The following LIMK1 variants were observed in gnomAD, a reference collection of about 807,000 sequenced individuals.
LIMK1 encodes LIM domain kinase 1.
A neutral mutation model predicts 77.6 loss-of-function variants in LIMK1; 21 were observed. That is an observed-to-expected ratio of 0.27 (90% CI 0.19 to 0.39). The LOEUF (loss-of-function observed/expected upper bound fraction) is 0.39. Ranked by LOEUF, LIMK1 falls within the 10% of genes least tolerant of loss-of-function variation. The pLI, the probability that LIMK1 is intolerant of heterozygous loss-of-function variation, is 1.00. For synonymous variants in LIMK1, 358 were observed against 370.0 expected, an observed-to-expected ratio of 0.97 and a Z score of 0.37; for missense variants, 696 against 901.6, an observed-to-expected ratio of 0.77 and a Z score of 2.92.
intron 4 of LIMK1, 75 bp from the exon 5 acceptor site, chr7:74,098,957 G>T (rs1020704863): frequency 8.1e-7 from 1 of 1,227,692 alleles, no homozygotes; most frequent in Non-Finnish European, 1.2e-6. Context: ...AGAGCCTGGG[G>T]CTGGGGGCTG....
At chr7:74,084,635 G>C (rs1307073639) in intron 1 of LIMK1, among the ~76,000 whole-genome samples, 3 of 152,180 alleles carry the variant, frequency 2.0e-5, no homozygotes, top group Non-Finnish European at 2.9e-5. Context: ...CACTCTCCCT[G>C]TCCGTGCCCC....
At chr7:74,093,060 C>T in intron 2 of LIMK1, 4 of 1,292,936 alleles carry the variant, frequency 3.1e-6, no homozygotes, top group Non-Finnish European at 4.1e-6. Context: ...TCAGCCACTT[C>T]CTGTTGCAGG....
chr7:74,107,724 TTG>T (rs1392311023), intron 8 of LIMK1, 145 bp from the exon 9 acceptor site: 2 of 613,434 alleles, frequency 3.3e-6, no homozygotes, highest in Non-Finnish European at 2.9e-6. Flanking sequence ...TCCCATCCAC[TTG>T]GGTATTTGGG....
Position 74,096,631 on chromosome 7 carries a change from C to G in LIMK1, c.162C>G (p.Asp54Glu), listed in dbSNP as rs371668271. Residue 54 changes from aspartate to glutamate, a missense_variant, in exon 3 of 16, where the codon GAC becomes GAG. Asp to Glu is a conservative substitution (Grantham distance 45). Transcript: ENST00000336180. ...DWHADCFRCC[D>E]CSASLSHQYY... ...GGCCCCTCTCCTGCAGGTGTTGTGA[C>G]TGCAGTGCCTCCCTGTCGCACCAGT... 7 of 1,613,940 alleles carry G rather than the reference C, an allele frequency of 4.3e-6. No homozygotes were observed. The highest frequency in any genetic ancestry group is 5.9e-6 in the Non-Finnish European group (7 of 1,180,040).
intron 13 of LIMK1, among the ~76,000 whole-genome samples, chr7:74,117,254 G>A (rs1306666866): frequency 6.6e-6 from 1 of 152,044 alleles, no homozygotes; most frequent in Non-Finnish European, 1.5e-5. Flanking sequence ...CTGGCTTCAG[G>A]CGATCCTCCT....
intron 14 of LIMK1, 109 bp downstream of exon 14, chr7:74,120,747 AG>A (rs1584136459): frequency 6.5e-7 from 1 of 1,531,770 alleles, no homozygotes; most frequent in African/African-American, 1.4e-5. Context: ...GCCTGCCCAC[AG>A]CAAGGCATGG....
Position 74,120,623 on chromosome 7 carries a change from G to T in LIMK1, c.1608G>T (p.Gly536=). ...YDEKVDVFSF[G]IVLCEIIGRV... ...AGAAGGTGGATGTGTTCTCCTTTGG[G>T]ATCGTCCTGTGCGAGGTAGGTCCAG... The change falls in exon 14 of 16, where the codon GGG becomes GGT. Residue 536 remains glycine (G), a synonymous_variant. Coordinates refer to ENST00000336180, the MANE Select transcript of LIMK1 (RefSeq NM_002314.4). The T allele has an allele frequency of 6.2e-7, 1 of 1,614,230 alleles. No individual in the cohort carries two copies. The highest frequency in any genetic ancestry group is 2.2e-5 in the East Asian group (1 of 44,888).
At chr7:74,118,043 A>C (rs1554699881) in intron 13 of LIMK1, among the ~76,000 whole-genome samples, 1 of 150,114 alleles carries the variant, frequency 6.7e-6, no homozygotes, top group Admixed American at 6.6e-5. Context: ...CATTGGGCCA[A>C]GATTGCACCA....
chr7:74,097,174 A>G lies in LIMK1; in HGVS notation c.386A>G (p.His129Arg), dbSNP rs1799353329. The change falls in exon 4 of 16, where the codon CAC (histidine) becomes CGC (arginine). Residue 129 changes from histidine (H) to arginine (R), a missense_variant. Physicochemically the swap from His to Arg is conservative, Grantham distance 29 (BLOSUM62 0). This residue lies in a region of LIMK1 where 252 missense variants were observed against 279.4 expected (regional missense o/e 0.90). Transcript: ENST00000336180. ...GGGGACACCTACACGCTGGTGGAGCACTCCAAGCTGTACTGGTGAGTGCCT... is the reference window on the plus strand; with the variant it reads ...GGGGACACCTACACGCTGGTGGAGCGCTCCAAGCTGTACTGGTGAGTGCCT... Reference protein sequence around the residue: ...GDGDTYTLVEHSKLYCGHCYY... With the variant: ...GDGDTYTLVERSKLYCGHCYY... 3.7e-6 allele frequency: 6 copies of G among 1,610,162 alleles called. No individual in the cohort carries two copies. The highest frequency in any genetic ancestry group is 1.9e-4 in the Middle Eastern group (1 of 5,178).
At chr7:74,087,403 C>T (rs540780947) in intron 2 of LIMK1, among the ~76,000 whole-genome samples, 80 of 152,022 alleles carry the variant, frequency 5.3e-4, no homozygotes, top group Non-Finnish European at 8.5e-4. Context: ...GACCCAGTCT[C>T]AATTTTTAAA....
At chr7:74,098,961 G>A in intron 4 of LIMK1, 71 bp from the exon 5 acceptor site, 1 of 1,273,858 alleles carries the variant, frequency 7.9e-7, no homozygotes, top group South Asian at 1.3e-5. Context: ...CCTGGGGCTG[G>A]GGGCTGCAGA....
At chr7:74,106,653 A>G (rs1203098887) in intron 7 of LIMK1, among the ~76,000 whole-genome samples, 4 of 152,108 alleles carry the variant, frequency 2.6e-5, no homozygotes, top group Non-Finnish European at 5.9e-5. Flanking sequence ...CCAGCTACTC[A>G]GGAGGCTGAG....
chr7:74,101,650 T>G (rs1355300818), intron 5 of LIMK1, among the ~76,000 whole-genome samples: 1 of 152,102 alleles, frequency 6.6e-6, no homozygotes, highest in Non-Finnish European at 1.5e-5. Context: ...TGCCAAAGAT[T>G]TACTTATTTG....
At chr7:74,103,887 T>C (rs946098515) in intron 5 of LIMK1, among the ~76,000 whole-genome samples, 2 of 152,098 alleles carry the variant, frequency 1.3e-5, no homozygotes, top group South Asian at 2.1e-4. Flanking sequence ...CTCGACCTCA[T>C]GGGCTCAAGC....
chr7:74,116,075 C>T (rs1799802105), intron 13 of LIMK1, 117 bp downstream of exon 13: 4 of 1,050,916 alleles, frequency 3.8e-6, no homozygotes, highest in African/African-American at 1.6e-5. Flanking sequence ...TTCAGTTACC[C>T]TGTGGGTCCT....
At chr7:74,096,852 G>C in intron 3 of LIMK1, 92 bp downstream of exon 3, 1 of 1,464,126 alleles carries the variant, frequency 6.8e-7, no homozygotes, top group Non-Finnish European at 9.2e-7. Flanking sequence ...TGTCTCTCCT[G>C]GTCTCCTTTT....
At chr7:74,104,897 G>A (rs1446938131) in intron 5 of LIMK1, among the ~76,000 whole-genome samples, 5 of 152,100 alleles carry the variant, frequency 3.3e-5, no homozygotes, top group African/African-American at 1.2e-4. Flanking sequence ...TGGGACCCAA[G>A]GCACTCATCT....
intron 12 of LIMK1, among the ~76,000 whole-genome samples, chr7:74,114,221 A>G (rs1230525437): frequency 6.6e-6 from 1 of 151,970 alleles, no homozygotes; most frequent in African/African-American, 2.4e-5. Flanking sequence ...CACTCCAGCA[A>G]CAGAGTGGGA....
At chr7:74,086,561 A>G (rs1228214154) in intron 2 of LIMK1, among the ~76,000 whole-genome samples, 1 of 151,974 alleles carries the variant, frequency 6.6e-6, no homozygotes, top group Non-Finnish European at 1.5e-5. Context: ...GGGTCTCACT[A>G]TTGAGACCCA....
Sources: gnomAD v4.1 joint callset for allele counts (sites outside exome capture counted in the v4.1 genomes callset) on GRCh38, gnomAD v4.1.1 for gene constraint, gnomAD v4.1.1 regional missense constraint, MANE v1.5 for transcripts, NCBI Gene and HGNC (gene_info 2026-07-23, HGNC 2026-07-21) for gene names.